Variants in ALG13 observed in about 807,000 individuals in gnomAD.
ALG13 encodes UDP-N-acetylglucosamine transferase subunit ALG13.
In ALG13, 11 loss-of-function variants were observed where a neutral mutation model predicts 87.8. That is an observed-to-expected ratio of 0.13 (90% CI 0.08 to 0.21). The LOEUF (loss-of-function observed/expected upper bound fraction) is 0.21. Ranked by LOEUF, ALG13 falls within the 10% of genes least tolerant of loss-of-function variation. ALG13 has a pLI of 1.00. For synonymous variants in ALG13, 320 were observed against 306.3 expected (o/e 1.04, Z -0.47); for missense variants, 756 against 866.1 (o/e 0.87, Z 1.60).
At chrX:111,724,889 A>G (rs781484024) in intron 14 of ALG13, 45 bp from the exon 15 acceptor site, 2 of 1,188,292 alleles carry the variant, frequency 1.7e-6, no homozygotes, top group Non-Finnish European at 2.3e-6. Flanking sequence ...ATGAAAGTTA[A>G]GTCTGTGTTG....
At chrX:111,713,130 G>A (rs1174915236) in intron 7 of ALG13, 95 bp from the exon 8 acceptor site, 10 of 533,180 alleles carry the variant, frequency 1.9e-5, no homozygotes, top group Non-Finnish European at 3.2e-5. Context: ...TATGAATAAG[G>A]TAGGCAACTT....
intron 3 of ALG13, among the ~76,000 whole-genome samples, chrX:111,705,073 A>G (rs745437576): frequency 1.8e-5 from 2 of 111,813 alleles, no homozygotes; most frequent in East Asian, 5.6e-4. Context: ...ATGGAATCAT[A>G]TTCCTTTTGA....
intron 24 of ALG13, among the ~76,000 whole-genome samples, chrX:111,745,861 C>T (rs1944195286): frequency 2.7e-5 from 3 of 111,019 alleles, no homozygotes; most frequent in Admixed American, 9.7e-5. Context: ...GATTTCTTTA[C>T]TACTCTCCCT....
intron 25 of ALG13, among the ~76,000 whole-genome samples, chrX:111,753,539 G>T (rs185818428): frequency 1.3e-3 from 144 of 111,810 alleles, no homozygotes; most frequent in African/African-American, 4.1e-3. Flanking sequence ...AAAATAGATA[G>T]ACCATTAGCC....
At chrX:111,697,870 A>G (rs1374664871) in intron 3 of ALG13, among the ~76,000 whole-genome samples, 1 of 112,001 alleles carries the variant, frequency 8.9e-6, no homozygotes, top group Non-Finnish European at 1.9e-5. Flanking sequence ...TCTTAAAACT[A>G]TTTCAGACCT....
intron 23 of ALG13, among the ~76,000 whole-genome samples, chrX:111,744,188 T>C (rs2065708926): frequency 8.9e-6 from 1 of 111,765 alleles, no homozygotes; most frequent in Admixed American, 9.5e-5. Context: ...GTTCCCTATA[T>C]TCCTGAGATG....
At chrX:111,753,181 T>C (rs1287173923) in intron 25 of ALG13, 1 of 131,380 alleles carries the variant, frequency 7.6e-6, no homozygotes, top group Non-Finnish European at 1.5e-5. Context: ...TATGACTATC[T>C]TTCCATTTTA....
chrX:111,730,903 G>T (rs761960484), intron 21 of ALG13, among the ~76,000 whole-genome samples: 5 of 112,221 alleles, frequency 4.5e-5, no homozygotes, highest in Non-Finnish European at 7.5e-5. Context: ...AGAAGGGCTT[G>T]CTCAGGTACT....
intron 3 of ALG13, chrX:111,688,708 T>C: frequency 1.3e-6 from 1 of 749,570 alleles, no homozygotes; most frequent in Non-Finnish European, 1.6e-6. Context: ...ACAGTGGTAA[T>C]GAAACATTAA....
intron 3 of ALG13, chrX:111,689,491 T>C (rs1935747864): frequency 1.3e-5 from 10 of 754,058 alleles, no homozygotes; most frequent in Non-Finnish European, 1.6e-5. Context: ...CCCAGAATAA[T>C]GCATAACCTA....
chrX:111,739,604 G>A (rs1360113933), intron 23 of ALG13, among the ~76,000 whole-genome samples: 3 of 112,365 alleles, frequency 2.7e-5, no homozygotes, highest in Non-Finnish European at 5.6e-5. Context: ...CTAGAAGACA[G>A]TGGAATAACA....
chrX:111,753,113 GC>G (rs1944905075), intron 25 of ALG13: 1 of 202,566 alleles, frequency 4.9e-6, no homozygotes, highest in Non-Finnish European at 9.0e-6. Context: ...AACATTACAT[GC>G]TAACTTTTCA....
At chrX:111,745,442 A>G (rs1208081388) in intron 24 of ALG13, among the ~76,000 whole-genome samples, 1 of 110,702 alleles carries the variant, frequency 9.0e-6, no homozygotes, top group Non-Finnish European at 1.9e-5. Context: ...AGTTTGGCAT[A>G]TTTCTCAAGA....
At chrX:111,686,150 C>CACTAGG in intron 3 of ALG13, 1 of 1,121,281 alleles carries the variant, frequency 8.9e-7, no homozygotes, top group Non-Finnish European at 1.2e-6. Context: ...TTCCTTGAGA[C>CACTAGG]ACTAGAAGCT....
Position 111,681,210 on chromosome X carries a change from A to G in ALG13, c.-9A>G, listed in dbSNP as rs374253660. ...GGCCCTTGCGATCAGGGCTTGAGGA[A>G]CCCGCGCCATGAAGTGCGTGTTTGT... On this transcript the variant is annotated 5_prime_UTR_variant, in exon 1 of 27. Coordinates refer to ENST00000394780, the MANE Select transcript of ALG13 (RefSeq NM_001099922.3). 5.4e-4 allele frequency: 648 copies of G among 1,207,791 alleles called. No homozygotes were observed. The highest frequency in any genetic ancestry group is 6.5e-4 in the Non-Finnish European group (578 of 893,531).
At chrX:111,738,763 C>T (rs1943476265) in intron 23 of ALG13, among the ~76,000 whole-genome samples, 1 of 108,259 alleles carries the variant, frequency 9.2e-6, no homozygotes, top group African/African-American at 3.4e-5. Flanking sequence ...TCTTGAACTC[C>T]TAGGCTTAAG....
intron 10 of ALG13, among the ~76,000 whole-genome samples, chrX:111,719,574 A>G (rs760616066): frequency 1.8e-5 from 2 of 112,409 alleles, no homozygotes; most frequent in Non-Finnish European, 3.8e-5. Flanking sequence ...GCTTAGCTAG[A>G]TCTTCTGCTG....
chrX:111,744,765 ACCACCT>A lies in ALG13; in HGVS notation c.2796_2801del (p.Pro944_Pro945del), dbSNP rs1468160803. On this transcript the variant is annotated inframe_deletion, in exon 24 of 27. Coordinates refer to ENST00000394780, the MANE Select transcript of ALG13 (RefSeq NM_001099922.3). ...CACCACCACCACCACCACCACCACC[ACCACCT>A]CCTCCTCCTCCTCCTCCTCCTCCTC... The A allele has an allele frequency of 3.6e-5, 31 of 868,929 alleles. No homozygotes were observed. In the African/African-American group the frequency reaches 8.4e-4, roughly 23 times the overall value. The allele number at this position is 868,929 out of a possible 1,213,427, so 71.6% of individuals were successfully genotyped here. A position where few individuals can be genotyped will look rare whatever the true frequency, so the allele number is the denominator to read the frequency against.
rs780317434 is a variant in ALG13, at chrX:111,700,039, T to G, written c.384-7988T>G. Reference sequence around the variant, plus strand: ...GGATATTGTTCCGTTTATTTGTGGGTTTTTTTTTTTTTTTTCAGTTTTTTT... The same window carrying G: ...GGATATTGTTCCGTTTATTTGTGGGGTTTTTTTTTTTTTTTCAGTTTTTTT... On this transcript the variant is annotated intron_variant, in intron 3 of 26. Transcript: ENST00000394780. 2.8e-3 allele frequency among the ~76,000 whole-genome samples: 165 copies of G among 59,607 alleles called. 1 individual carries two copies. Among genetic ancestry groups the G allele is most frequent in the Admixed American group, 0.01 (64 of 6,347 alleles). 51.8% of individuals were successfully genotyped at this position (59,607 alleles called of 115,157 possible). A position where few individuals can be genotyped will look rare whatever the true frequency, so the allele number is the denominator to read the frequency against.
Sources: gnomAD v4.1 joint callset for allele counts (sites outside exome capture counted in the v4.1 genomes callset) on GRCh38, gnomAD v4.1.1 for gene constraint, MANE v1.5 for transcripts, NCBI Gene and HGNC (gene_info 2026-07-23, HGNC 2026-07-21) for gene names.